Variants in ACTL6B observed in about 807,000 individuals in gnomAD.
The protein encoded by ACTL6B is actin like 6B, also known as actin-like protein 6B.
In ACTL6B, 48 loss-of-function variants were observed where a neutral mutation model predicts 63.3. That is an observed-to-expected ratio of 0.76 (90% CI 0.60 to 0.96). The LOEUF is 0.96. Among genes scored for constraint, ACTL6B ranks in the 50% least tolerant of loss-of-function variants. The pLI, the probability that ACTL6B is intolerant of heterozygous loss-of-function variation, is 0.00. For synonymous variants in ACTL6B, 230 were observed against 223.8 expected, an observed-to-expected ratio of 1.03 and a Z score of -0.25; for missense variants, 350 against 572.2, an observed-to-expected ratio of 0.61 and a Z score of 3.96.
At position 100,647,510 on chromosome 7, in the gene ACTL6B, G is replaced by T; in HGVS notation, c.693C>A (p.Pro231=). Residue 231 remains proline, a synonymous_variant, in exon 8 of 14, where the codon CCC becomes CCA. Transcript: ENST00000160382. The surrounding 1 kb of genome is among the most constrained non-coding windows in gnomAD (Gnocchi z 4.4). ...AAKEPVREGA[P]PNWKKKEKLP... is the part of the protein sequence containing the mutation. ...GCTTCTCCTTCTTCTTCCAGTTTGG[G>T]GGGGCACCCTCCCGGACAGGCTCCT... The T allele has an allele frequency of 6.2e-7, 1 of 1,607,846 alleles. No homozygotes were observed. The highest frequency in any genetic ancestry group is 8.5e-7 in the Non-Finnish European group (1 of 1,176,846).
In ACTL6B at chr7:100,655,641, C is replaced by T; in HGVS notation, c.103-55G>A. The T allele has an allele frequency of 6.4e-7, 1 of 1,569,128 alleles. No individual in the cohort carries two copies. Among genetic ancestry groups the T allele is most frequent in the South Asian group, 1.2e-5 (1 of 83,690 alleles). ...CAGGGAGAGAGGTCACCCTCTTGCC[C>T]CTGTCCAGCCCCACAGCAGGGTCCT... is the stretch of plus-strand genomic sequence containing the variant. On this transcript the variant is annotated intron_variant, in intron 2 of 13. Transcript: ENST00000160382. This position sits in a 1 kb window ranked among gnomAD's most constrained non-coding sequence, Gnocchi z 4.4.
Position 100,648,890 on chromosome 7 carries a change from C to T in ACTL6B, c.468-67G>A. 6.7e-7 allele frequency: 1 copy of T among 1,487,276 alleles called. No homozygotes were observed. The highest frequency in any genetic ancestry group is 9.1e-7 in the Non-Finnish European group (1 of 1,098,308). 92.1% of individuals were successfully genotyped at this position (1,487,276 alleles called of 1,614,324 possible). A position where few individuals can be genotyped will look rare whatever the true frequency, so the allele number is the denominator to read the frequency against. On this transcript the variant is annotated intron_variant, in intron 5 of 13. Transcript: ENST00000160382. This position sits in a 1 kb window ranked among gnomAD's most constrained non-coding sequence, Gnocchi z 4.4. ...TGAGGGGCCTGGGCCCAGATCTTGT[C>T]TGGTCACTCTCTGCTCTACCGGGGT...
chr7:100,655,383 C>T lies in ACTL6B; in HGVS notation c.268+38G>A. The T allele has an allele frequency of 6.3e-7, 1 of 1,599,988 alleles. No homozygotes were observed. The highest frequency in any genetic ancestry group is 8.5e-7 in the Non-Finnish European group (1 of 1,172,992). ...TGACCCAGATTGTGGGGAGCGGGCTCCTTTTCTGTCAGGAGGTGATGGGTG... is the reference window on the plus strand; with the variant it reads ...TGACCCAGATTGTGGGGAGCGGGCTTCTTTTCTGTCAGGAGGTGATGGGTG... On this transcript the variant is annotated intron_variant, in intron 3 of 13. Coordinates refer to ENST00000160382, the MANE Select transcript of ACTL6B (RefSeq NM_016188.5). This position sits in a 1 kb window ranked among gnomAD's most constrained non-coding sequence, Gnocchi z 4.4.
In ACTL6B at chr7:100,655,012, C is replaced by G. The variant is rs1163988470; in HGVS notation, c.369+7G>C. ...GGGTTGGACATGAGGATGGAGGAGG[C>G]ACTCACCGGAGCCTCGGACATGAGC... On this transcript the variant is annotated splice_region_variant and intron_variant, in intron 4 of 13. Coordinates refer to ENST00000160382, the MANE Select transcript of ACTL6B (RefSeq NM_016188.5). The surrounding 1 kb of genome is among the most constrained non-coding windows in gnomAD (Gnocchi z 4.4). 6.2e-7 allele frequency: 1 copy of G among 1,611,536 alleles called. No individual in the cohort carries two copies. Among genetic ancestry groups the G allele is most frequent in the African/African-American group, 1.3e-5 (1 of 74,884 alleles).
chr7:100,649,690 T>C (rs558992657), intron 5 of ACTL6B, among the ~76,000 whole-genome samples: 2 of 152,312 alleles, frequency 1.3e-5, no homozygotes, highest in African/African-American at 4.8e-5. Context: ...GCAAGGCAGA[T>C]CCTAAAAACA....
intron 4 of ACTL6B, among the ~76,000 whole-genome samples, chr7:100,652,602 A>AG (rs1803961942): frequency 6.6e-6 from 1 of 151,614 alleles, no homozygotes; most frequent in Non-Finnish European, 1.5e-5. Flanking sequence ...AAAAAAAAAA[A>AG]AAGAAATTGA....
intron 4 of ACTL6B, among the ~76,000 whole-genome samples, chr7:100,654,732 A>T (rs888284957): frequency 6.6e-6 from 1 of 151,678 alleles, no homozygotes; most frequent in African/African-American, 2.4e-5. Flanking sequence ...AGATCTCACC[A>T]TTGCACTCCA....
intron 13 of ACTL6B, 98 bp from the exon 14 acceptor site, chr7:100,643,424 C>A: frequency 7.8e-7 from 1 of 1,284,294 alleles, no homozygotes; most frequent in Non-Finnish European, 1.1e-6. Flanking sequence ...GCCCCAACCA[C>A]CCCTTGGGTT....
rs903505912 is a variant in ACTL6B, at chr7:100,646,907, C to T, written c.936+64G>A. 1.2e-6 allele frequency: 2 copies of T among 1,601,960 alleles called. No homozygotes were observed. Among genetic ancestry groups the T allele is most frequent in the African/African-American group, 2.7e-5 (2 of 74,664 alleles). On this transcript the variant is annotated intron_variant, in intron 10 of 13. Coordinates refer to ENST00000160382, the MANE Select transcript of ACTL6B (RefSeq NM_016188.5). The surrounding 1 kb of genome is among the most constrained non-coding windows in gnomAD (Gnocchi z 6.1). ...ACCCCTGCAATCCTTCCCAGCCTCC[C>T]CCACGCCCCAGGATCCAGGGACTGC...
intron 4 of ACTL6B, among the ~76,000 whole-genome samples, chr7:100,650,383 AACAC>A (rs909116234): frequency 9.3e-5 from 14 of 151,046 alleles, no homozygotes; most frequent in African/African-American, 3.2e-4. Context: ...GACACACATA[AACAC>A]ACACATGCAT....
chr7:100,654,555 T>C (rs1221130312), intron 4 of ACTL6B, among the ~76,000 whole-genome samples: 2 of 150,706 alleles, frequency 1.3e-5, no homozygotes, highest in Non-Finnish European at 3.0e-5. Flanking sequence ...CCAAGGCGGG[T>C]GGATCACCTG....
intron 5 of ACTL6B, among the ~76,000 whole-genome samples, chr7:100,649,149 C>T (rs1212363325): frequency 1.3e-5 from 2 of 149,326 alleles, no homozygotes; most frequent in Admixed American, 6.7e-5. Flanking sequence ...CCTGCCACCA[C>T]GCCCGGCCAA....
intron 5 of ACTL6B, 126 bp downstream of exon 5, chr7:100,649,912 T>A: frequency 2.6e-6 from 2 of 771,650 alleles, no homozygotes; most frequent in Non-Finnish European, 4.3e-6. Flanking sequence ...CAGAGGGAGG[T>A]GTCTGCCCAT....
At chr7:100,654,466 A>ATAG (rs1804000653) in intron 4 of ACTL6B, among the ~76,000 whole-genome samples, 1 of 147,044 alleles carries the variant, frequency 6.8e-6, no homozygotes, top group African/African-American at 2.5e-5. Flanking sequence ...AATAATAATA[A>ATAG]TAATAAGTGA....
At chr7:100,651,276 C>T (rs185338157) in intron 4 of ACTL6B, among the ~76,000 whole-genome samples, 177 of 152,052 alleles carry the variant, frequency 1.2e-3, no homozygotes, top group Non-Finnish European at 2.1e-3. Context: ...AGATGCTGGG[C>T]GCGGTGGCTC....
chr7:100,643,474 C>T, intron 13 of ACTL6B, 148 bp from the exon 14 acceptor site: 1 of 682,050 alleles, frequency 1.5e-6, no homozygotes, highest in Non-Finnish European at 2.6e-6. Flanking sequence ...ATCCTCCCCT[C>T]CTCGGTCTGT....
Position 100,655,635 on chromosome 7 carries a change from CT to C in ACTL6B, c.103-50del, listed in dbSNP as rs1234524675. 4.4e-6 allele frequency: 7 copies of C among 1,580,310 alleles called. No individual in the cohort carries two copies. Among genetic ancestry groups the C allele is most frequent in the Non-Finnish European group, 6.0e-6 (7 of 1,163,476 alleles). On this transcript the variant is annotated intron_variant, in intron 2 of 13. Transcript: ENST00000160382. The surrounding 1 kb of genome is among the most constrained non-coding windows in gnomAD (Gnocchi z 4.4). ...TATTGGCAGGGAGAGAGGTCACCCT[CT>C]TGCCCCTGTCCAGCCCCACAGCAGG...
At chr7:100,650,360 ACT>A (rs761248177) in intron 4 of ACTL6B, among the ~76,000 whole-genome samples, 37 of 151,756 alleles carry the variant, frequency 2.4e-4, no homozygotes, top group Admixed American at 6.6e-4. Flanking sequence ...ACACACATAC[ACT>A]CACATTCACA....
At position 100,655,522 on chromosome 7, in the gene ACTL6B, C is replaced by T; in HGVS notation, c.167G>A (p.Gly56Glu). Residue 56 changes from glycine (G) to glutamate (E), a missense_variant, in exon 3 of 14, where the codon GGG becomes GAG. Transcript: ENST00000160382. This position sits in a 1 kb window ranked among gnomAD's most constrained non-coding sequence, Gnocchi z 4.4. Reference sequence around the variant, plus strand: ...GATCTTCCCTTTCTTCTCTTTGTCCCCCTCCAGCTCCAGCCCGCCCCCCTC... The same window carrying T: ...GATCTTCCCTTTCTTCTCTTTGTCCTCCTCCAGCTCCAGCCCGCCCCCCTC... Reference protein sequence around the residue: ...AEEGGGLELEGDKEKKGKIFH... With the variant: ...AEEGGGLELEEDKEKKGKIFH... 6.2e-7 allele frequency: 1 copy of T among 1,614,142 alleles called. No homozygotes were observed. The highest frequency in any genetic ancestry group is 8.5e-7 in the Non-Finnish European group (1 of 1,180,012).
Sources: gnomAD v4.1 joint callset for allele counts (sites outside exome capture counted in the v4.1 genomes callset) on GRCh38, gnomAD v4.1.1 for gene constraint, Gnocchi (gnomAD v3.1) non-coding constraint, MANE v1.5 for transcripts, NCBI Gene and HGNC (gene_info 2026-07-23, HGNC 2026-07-21) for gene names.